The following SNX4 variants were observed in gnomAD, a reference collection of about 807,000 sequenced individuals.
The protein encoded by SNX4 is sorting nexin-4.
Under a neutral mutation model 70.8 loss-of-function variants are expected in SNX4, and 49 were observed. The ratio of observed to expected loss-of-function variants is 0.69; its 90% CI spans 0.55 to 0.88. SNX4 has a LOEUF of 0.88. Among genes scored for constraint, SNX4 ranks in the 40% least tolerant of loss-of-function variants. The pLI is 0.00. For synonymous variants in SNX4, 206 were observed against 183.8 expected, an observed-to-expected ratio of 1.12 and a Z score of -0.98; for missense variants, 528 against 544.8, an observed-to-expected ratio of 0.97 and a Z score of 0.31.
At chr3:125,488,040 T>C (rs1275142046) in intron 6 of SNX4, among the ~76,000 whole-genome samples, 1 of 151,744 alleles carries the variant, frequency 6.6e-6, no homozygotes, top group Non-Finnish European at 1.5e-5. Flanking sequence ...GGGATGCTGA[T>C]AGTTAGGGAG....
chr3:125,496,798 C>A (rs1346334129), intron 5 of SNX4, among the ~76,000 whole-genome samples: 1 of 152,094 alleles, frequency 6.6e-6, no homozygotes, highest in Admixed American at 6.6e-5. Context: ...AATCCTGTAC[C>A]ACTAACAGAT....
In SNX4 at chr3:125,497,900, A is replaced by G. The variant is rs1934834528; in HGVS notation, c.483T>C (p.Phe161=). The G allele has an allele frequency of 6.2e-7, 1 of 1,614,170 alleles. No homozygotes were observed. Among genetic ancestry groups the G allele is most frequent in the Non-Finnish European group, 8.5e-7 (1 of 1,179,994 alleles). Residue 161 remains phenylalanine, a synonymous_variant, in exon 4 of 14, where the codon TTT becomes TTC. Transcript: ENST00000251775. ...TGGGATGTGAAGCAATCCTCAAGAG[A>G]AAGTTTTCTAAACCAATCCGTCGCC... ...VERRRIGLEN[F]LLRIASHPIL...
intron 6 of SNX4, among the ~76,000 whole-genome samples, chr3:125,482,619 C>G (rs1407661673): frequency 6.6e-6 from 1 of 151,984 alleles, no homozygotes; most frequent in Non-Finnish European, 1.5e-5. Context: ...ATACCACCCC[C>G]TTGCTTTTAA....
At chr3:125,518,173 T>A (rs1559828715) in intron 1 of SNX4, among the ~76,000 whole-genome samples, 2 of 151,882 alleles carry the variant, frequency 1.3e-5, no homozygotes, top group South Asian at 4.2e-4. Flanking sequence ...ATTAAATACC[T>A]AATGGCAGGG....
intron 1 of SNX4, among the ~76,000 whole-genome samples, chr3:125,514,255 C>G (rs576346957): frequency 6.6e-6 from 1 of 152,046 alleles, no homozygotes; most frequent in East Asian, 1.9e-4. Context: ...TATAAAAATA[C>G]TTTTAAAATA....
At chr3:125,502,853 C>CAAA (rs376503388) in intron 2 of SNX4, among the ~76,000 whole-genome samples, 3 of 86,626 alleles carry the variant, frequency 3.5e-5, no homozygotes, top group Admixed American at 1.4e-4. Flanking sequence ...GACTCCATCT[C>CAAA]AAAAAAAAAA....
intron 8 of SNX4, among the ~76,000 whole-genome samples, chr3:125,474,042 C>G (rs1351021721): frequency 6.6e-6 from 1 of 152,158 alleles, no homozygotes; most frequent in Non-Finnish European, 1.5e-5. Context: ...AACCTCATCC[C>G]TCAAACCCAC....
In SNX4 at chr3:125,520,186, C is replaced by CT; in HGVS notation, c.-15_-14insA. On this transcript the variant is annotated 5_prime_UTR_variant, in exon 1 of 14. Transcript: ENST00000251775. Reference sequence around the variant, plus strand: ...TGCCTGCTCCATGGCTGCAGTTCGGCGCGGCGAACCCAGTGCGCCTGCGCC... The same window carrying CT: ...TGCCTGCTCCATGGCTGCAGTTCGGCTGCGGCGAACCCAGTGCGCCTGCGCC... 7.7e-7 allele frequency: 1 copy of CT among 1,290,712 alleles called. No homozygotes were observed. The highest frequency in any genetic ancestry group is 1.6e-5 in the African/African-American group (1 of 62,628). The allele number at this position is 1,290,712 out of a possible 1,614,324, so 80.0% of individuals were successfully genotyped here.
At chr3:125,493,482 T>A (rs1397589119) in intron 5 of SNX4, among the ~76,000 whole-genome samples, 2 of 150,550 alleles carry the variant, frequency 1.3e-5, no homozygotes, top group Non-Finnish European at 3.0e-5. Flanking sequence ...TGAAACCCTA[T>A]CTCTACTAAA....
chr3:125,483,916 C>T (rs1316863589), intron 6 of SNX4, among the ~76,000 whole-genome samples: 1 of 152,170 alleles, frequency 6.6e-6, no homozygotes, highest in East Asian at 1.9e-4. Context: ...AATGAGGAAT[C>T]TTATCATAAA....
intron 9 of SNX4, among the ~76,000 whole-genome samples, chr3:125,463,434 A>T (rs1301735486): frequency 2.0e-5 from 3 of 152,102 alleles, no homozygotes; most frequent in Admixed American, 6.6e-5. Context: ...AGTATAAATG[A>T]TAAAGATTTT....
rs371106210 is a variant in SNX4, at chr3:125,497,856, A to G, written c.527T>C (p.Ile176Thr). 6.2e-7 allele frequency: 1 copy of G among 1,609,046 alleles called. No homozygotes were observed. Among genetic ancestry groups the G allele is most frequent in the African/African-American group, 1.3e-5 (1 of 74,706 alleles). The change falls in exon 4 of 14, where the codon ATC (isoleucine) becomes ACC (threonine). Residue 176 changes from isoleucine to threonine, a missense_variant. Ile to Thr is a moderately conservative substitution (Grantham distance 89). This residue lies in a region of SNX4 where 341 missense variants were observed against 312.2 expected (regional missense o/e 1.09). Transcript: ENST00000251775. ...TACCTGTGTTAAAAACAGATAGAAG[A>G]TTTTGTCTCTACAAAGGATGGGATG... is the stretch of plus-strand genomic sequence containing the variant. The part of the protein sequence containing the change: ...ASHPILCRDK[I>T]FYLFLTQEGN...
chr3:125,459,971 T>C (rs1933833816), intron 10 of SNX4, among the ~76,000 whole-genome samples: 1 of 151,774 alleles, frequency 6.6e-6, no homozygotes, highest in Admixed American at 6.6e-5. Flanking sequence ...GGCGGGTGGA[T>C]TACCCGAGGT....
At chr3:125,482,153 G>A (rs1366096595) in intron 6 of SNX4, among the ~76,000 whole-genome samples, 2 of 152,114 alleles carry the variant, frequency 1.3e-5, no homozygotes, top group Non-Finnish European at 2.9e-5. Flanking sequence ...TATGTGACTT[G>A]TCATTCACAA....
At chr3:125,514,897 G>A (rs1458843616) in intron 1 of SNX4, among the ~76,000 whole-genome samples, 1 of 151,852 alleles carries the variant, frequency 6.6e-6, no homozygotes, top group Admixed American at 6.6e-5. Context: ...CCCAATACTG[G>A]TCTCAAGGCA....
At chr3:125,494,527 A>G (rs1934736274) in intron 5 of SNX4, among the ~76,000 whole-genome samples, 1 of 152,232 alleles carries the variant, frequency 6.6e-6, no homozygotes, top group African/African-American at 2.4e-5. Context: ...TAATACTCAG[A>G]TAAGAAACTG....
chr3:125,467,143 T>TCGG (rs1934045107), intron 9 of SNX4, among the ~76,000 whole-genome samples: 2 of 146,712 alleles, frequency 1.4e-5, no homozygotes, highest in East Asian at 4.1e-4. Context: ...TCCAAGCACT[T>TCGG]CGGGAGGCTG....
chr3:125,477,278 A>C (rs74535167), intron 7 of SNX4, among the ~76,000 whole-genome samples: 3,456 of 152,340 alleles, frequency 0.023, 137 homozygotes, highest in African/African-American at 0.079. Context: ...ATAGTTTTAT[A>C]TATAAATGCT....
At chr3:125,517,264 G>A (rs1450405242) in intron 1 of SNX4, among the ~76,000 whole-genome samples, 1 of 152,118 alleles carries the variant, frequency 6.6e-6, no homozygotes, top group Non-Finnish European at 1.5e-5. Context: ...ACTAGCTTGT[G>A]ACCATGGTCA....
Sources: gnomAD v4.1 joint callset for allele counts (sites outside exome capture counted in the v4.1 genomes callset) on GRCh38, gnomAD v4.1.1 for gene constraint, gnomAD v4.1.1 regional missense constraint, MANE v1.5 for transcripts, NCBI Gene and HGNC (gene_info 2026-07-23, HGNC 2026-07-21) for gene names.